THEMIS: variants seen among roughly 807,000 people sequenced by gnomAD.
THEMIS encodes the protein protein THEMIS.
Under a neutral mutation model 52.6 loss-of-function variants are expected in THEMIS, and 37 were observed. The ratio of observed to expected loss-of-function variants is 0.70; its 90% confidence interval spans 0.54 to 0.93. The LOEUF (loss-of-function observed/expected upper bound fraction) is 0.93, where lower values mean the gene tolerates loss of function less well. Among genes scored for constraint, THEMIS ranks in the 40% least tolerant of loss-of-function variants. THEMIS has a pLI of 0.00. For synonymous variants in THEMIS, 292 were observed against 272.7 expected, an observed-to-expected ratio of 1.07 and a Z score of -0.70; for missense variants, 808 against 763.1, an observed-to-expected ratio of 1.06 and a Z score of -0.69.
At chr6:127,817,244 T>C (rs1778167410) in intron 3 of THEMIS, among the ~76,000 whole-genome samples, 1 of 152,116 alleles carries the variant, frequency 6.6e-6, no homozygotes, top group South Asian at 2.1e-4. Flanking sequence ...AATAAATGAA[T>C]TAATGAATAA....
At chr6:127,835,880 C>A (rs1778860018) in intron 2 of THEMIS, among the ~76,000 whole-genome samples, 1 of 152,070 alleles carries the variant, frequency 6.6e-6, no homozygotes, top group African/African-American at 2.4e-5. Flanking sequence ...CTTGTCCGAC[C>A]CCATGCTTTG....
intron 4 of THEMIS, among the ~76,000 whole-genome samples, chr6:127,770,288 T>C (rs1406554642): frequency 6.6e-6 from 1 of 152,216 alleles, no homozygotes; most frequent in East Asian, 1.9e-4. Flanking sequence ...GCACCTATTG[T>C]TTCCTGACTT....
At chr6:127,899,215 T>G (rs1385506391) in intron 1 of THEMIS, among the ~76,000 whole-genome samples, 1 of 151,878 alleles carries the variant, frequency 6.6e-6, no homozygotes, top group Non-Finnish European at 1.5e-5. Flanking sequence ...TATCAAAATA[T>G]CACATGTATC....
intron 5 of THEMIS, among the ~76,000 whole-genome samples, chr6:127,716,199 A>C (rs1052990147): frequency 1.3e-5 from 2 of 151,938 alleles, no homozygotes; most frequent in Non-Finnish European, 2.9e-5. Flanking sequence ...GGACAAAAAC[A>C]AATAAGCATA....
At chr6:127,748,259 C>T (rs900454224) in intron 4 of THEMIS, among the ~76,000 whole-genome samples, 1 of 152,014 alleles carries the variant, frequency 6.6e-6, no homozygotes, top group Non-Finnish European at 1.5e-5. Flanking sequence ...TATTCTGGCT[C>T]ATGGTTCAGG....
chr6:127,888,744 CA>C (rs1780718394), intron 1 of THEMIS, among the ~76,000 whole-genome samples: 1 of 151,942 alleles, frequency 6.6e-6, no homozygotes, highest in Admixed American at 6.6e-5. Context: ...GCTACATATA[CA>C]AAGTCAACAG....
At chr6:127,825,095 A>T (rs1160333450) in intron 3 of THEMIS, among the ~76,000 whole-genome samples, 1 of 152,198 alleles carries the variant, frequency 6.6e-6, no homozygotes, top group Non-Finnish European at 1.5e-5. Flanking sequence ...AAACAGTTGG[A>T]AATGTAGTTA....
intron 3 of THEMIS, among the ~76,000 whole-genome samples, chr6:127,815,928 G>A (rs925542573): frequency 1.3e-5 from 2 of 152,180 alleles, no homozygotes; most frequent in East Asian, 1.9e-4. Context: ...GGTGGGTGCT[G>A]TGGGCTGGGA....
chr6:127,760,839 A>T (rs958145077), intron 4 of THEMIS, among the ~76,000 whole-genome samples: 2 of 152,130 alleles, frequency 1.3e-5, no homozygotes, highest in African/African-American at 4.8e-5. Context: ...CTGAAGCTTT[A>T]AAACTCCTAG....
intron 4 of THEMIS, among the ~76,000 whole-genome samples, chr6:127,738,315 A>C (rs1009908833): frequency 1.3e-5 from 2 of 152,180 alleles, no homozygotes; most frequent in Admixed American, 1.3e-4. Context: ...TGTGGATACA[A>C]TCATGCATAG....
At chr6:127,907,135 A>G (rs1298300029) in intron 1 of THEMIS, among the ~76,000 whole-genome samples, 1 of 151,886 alleles carries the variant, frequency 6.6e-6, no homozygotes, top group Non-Finnish European at 1.5e-5. Context: ...CTGGTATCTA[A>G]ATCATTCATT....
At chr6:127,734,403 A>G (rs1460428907) in intron 4 of THEMIS, among the ~76,000 whole-genome samples, 1 of 152,202 alleles carries the variant, frequency 6.6e-6, no homozygotes, top group African/African-American at 2.4e-5. Flanking sequence ...AGGAATATGA[A>G]TGAAGCAAAA....
At chr6:127,897,790 C>T (rs569415849) in intron 1 of THEMIS, among the ~76,000 whole-genome samples, 1 of 151,650 alleles carries the variant, frequency 6.6e-6, no homozygotes, top group African/African-American at 2.4e-5. Context: ...TACTTTTATG[C>T]CCTACTTAAT....
intron 2 of THEMIS, among the ~76,000 whole-genome samples, chr6:127,831,729 G>C (rs533392720): frequency 1.3e-4 from 20 of 152,160 alleles, no homozygotes; most frequent in African/African-American, 4.6e-4. Context: ...GAATGAGCAA[G>C]GTAGCAAATG....
At chr6:127,711,636 A>G (rs1380738547) in intron 5 of THEMIS, among the ~76,000 whole-genome samples, 1 of 152,002 alleles carries the variant, frequency 6.6e-6, no homozygotes, top group Non-Finnish European at 1.5e-5. Context: ...AAACAGTAAT[A>G]AAACCATATA....
intron 4 of THEMIS, among the ~76,000 whole-genome samples, chr6:127,725,195 A>G (rs555952774): frequency 6.6e-6 from 1 of 152,090 alleles, no homozygotes; most frequent in Non-Finnish European, 1.5e-5. Flanking sequence ...GTACTTTTTC[A>G]CTTCAGAAAG....
chr6:127,758,552 G>T (rs1185492813), intron 4 of THEMIS, among the ~76,000 whole-genome samples: 7 of 150,756 alleles, frequency 4.6e-5, no homozygotes, highest in Non-Finnish European at 1.0e-4. Flanking sequence ...AAAAAGAAAG[G>T]CAGAAATGTC....
chr6:127,730,702 G>T (rs931100657), intron 4 of THEMIS, among the ~76,000 whole-genome samples: 2 of 152,142 alleles, frequency 1.3e-5, no homozygotes, highest in African/African-American at 4.8e-5. Context: ...ACTGTTTTCA[G>T]CAATGAAAGC....
chr6:127,729,648 T>A (rs2114517549), intron 4 of THEMIS, among the ~76,000 whole-genome samples: 1 of 152,310 alleles, frequency 6.6e-6, no homozygotes, highest in Non-Finnish European at 1.5e-5. Flanking sequence ...AATCAATCAT[T>A]CTTCCAACCT....
Sources: gnomAD v4.1 joint callset for allele counts (sites outside exome capture counted in the v4.1 genomes callset) on GRCh38, gnomAD v4.1.1 for gene constraint, MANE v1.5 for transcripts, NCBI Gene and HGNC (gene_info 2026-07-23, HGNC 2026-07-21) for gene names.